RGS17: variants seen among roughly 807,000 people sequenced by gnomAD.
RGS17 encodes the protein regulator of G-protein signaling 17.
A neutral mutation model predicts 25.5 loss-of-function variants in RGS17; 12 were observed. That is an observed-to-expected ratio of 0.47 (90% CI 0.30 to 0.76). The LOEUF (loss-of-function observed/expected upper bound fraction) is 0.76, where lower values mean the gene tolerates loss of function less well. Ranked by LOEUF, RGS17 falls within the 30% of genes least tolerant of loss-of-function variation. The pLI is 0.07. For missense variants in RGS17, 196 were observed against 242.2 expected (o/e 0.81, Z 1.27); for synonymous variants, 71 against 76.9 (o/e 0.92, Z 0.40).
intron 2 of RGS17, among the ~76,000 whole-genome samples, chr6:153,037,836 A>ATTTTTT (rs1776270319): frequency 6.6e-6 from 1 of 152,210 alleles, no homozygotes; most frequent in Non-Finnish European, 1.5e-5. Context: ...ATGTAATATA[A>ATTTTTT]TTTTTACCAA....
chr6:153,046,585 A>C (rs1236490912), intron 1 of RGS17, among the ~76,000 whole-genome samples: 1 of 152,118 alleles, frequency 6.6e-6, no homozygotes, highest in Non-Finnish European at 1.5e-5. Context: ...GGAATGTAAA[A>C]ACAAACACAA....
rs189077746 is a variant in RGS17, at chr6:153,004,822, T to C, written c.*6752A>G. 7 of 152,318 alleles carry C rather than the reference T, an allele frequency of 4.6e-5. No individual in the cohort carries two copies. In the East Asian group the frequency reaches 1.3e-3, roughly 29 times the overall value. The allele number at this position is 152,318 out of a possible 1,614,324, so 9.4% of individuals were successfully genotyped here. On this transcript the variant is annotated 3_prime_UTR_variant, in exon 5 of 5. Transcript: ENST00000206262. The stretch of plus-strand genomic sequence containing the variant: ...GTGAATACCCACCGTTATTCTGGCA[T>C]TGCAAAATAACCAAGTGTGGTGCCT...
At chr6:153,078,910 T>C (rs1272185605) in intron 1 of RGS17, among the ~76,000 whole-genome samples, 12 of 148,290 alleles carry the variant, frequency 8.1e-5, no homozygotes, top group Middle Eastern at 3.4e-3. Context: ...CTGACTAAAT[T>C]TACATCTTAA....
At chr6:153,043,660 C>T (rs752731383) in intron 2 of RGS17, among the ~76,000 whole-genome samples, 1 of 152,020 alleles carries the variant, frequency 6.6e-6, no homozygotes, top group Non-Finnish European at 1.5e-5. Flanking sequence ...TGATATAAAA[C>T]ACCTCTTCAT....
intron 4 of RGS17, among the ~76,000 whole-genome samples, chr6:153,022,853 G>A (rs1779259530): frequency 6.6e-6 from 1 of 152,122 alleles, no homozygotes; most frequent in African/African-American, 2.4e-5. Context: ...AATACAGTGT[G>A]ACATCAGTAA....
At chr6:153,064,548 T>C (rs1024789343) in intron 1 of RGS17, among the ~76,000 whole-genome samples, 6 of 151,582 alleles carry the variant, frequency 4.0e-5, no homozygotes, top group African/African-American at 1.5e-4. Context: ...GAGAATAGTG[T>C]GAACTCAGGA....
At chr6:153,027,926 A>G (rs772625728) in intron 2 of RGS17, among the ~76,000 whole-genome samples, 97 of 152,342 alleles carry the variant, frequency 6.4e-4, no homozygotes, top group Non-Finnish European at 5.3e-4. Context: ...GGAAAGTCTG[A>G]TAAGAGAAAC....
chr6:153,129,367 G>A (rs895984237), intron 1 of RGS17, among the ~76,000 whole-genome samples: 1 of 152,166 alleles, frequency 6.6e-6, no homozygotes, highest in Non-Finnish European at 1.5e-5. Context: ...TTAGATAGGA[G>A]TGCTATAATG....
At chr6:153,090,559 C>T (rs1390060814) in intron 1 of RGS17, among the ~76,000 whole-genome samples, 1 of 151,634 alleles carries the variant, frequency 6.6e-6, no homozygotes, top group Non-Finnish European at 1.5e-5. Flanking sequence ...TTGGAGGCTG[C>T]AGGGCTGCAG....
chr6:153,015,379 T>C (rs1188956717), intron 4 of RGS17, among the ~76,000 whole-genome samples: 1 of 152,180 alleles, frequency 6.6e-6, no homozygotes, highest in African/African-American at 2.4e-5. Flanking sequence ...AGGAAGTCAA[T>C]CGATGTGGCA....
At chr6:153,085,554 A>T (rs1777040427) in intron 1 of RGS17, among the ~76,000 whole-genome samples, 1 of 152,238 alleles carries the variant, frequency 6.6e-6, no homozygotes, top group African/African-American at 2.4e-5. Context: ...TTGCAAAAGA[A>T]TAAGGGAAGC....
chr6:153,110,882 T>C (rs1777459515), intron 1 of RGS17, among the ~76,000 whole-genome samples: 1 of 152,306 alleles, frequency 6.6e-6, no homozygotes, highest in Admixed American at 6.5e-5. Flanking sequence ...GGAAATGTGC[T>C]GTGAGGAATG....
intron 2 of RGS17, among the ~76,000 whole-genome samples, chr6:153,033,423 A>G (rs575772832): frequency 6.6e-6 from 1 of 152,304 alleles, no homozygotes; most frequent in African/African-American, 2.4e-5. Flanking sequence ...TATACTTTAC[A>G]TAATACACGC....
intron 1 of RGS17, among the ~76,000 whole-genome samples, chr6:153,110,833 G>A (rs959876767): frequency 7.2e-5 from 11 of 152,180 alleles, no homozygotes; most frequent in Non-Finnish European, 1.0e-4. Context: ...AAGCGCAAGC[G>A]GTTGGGGAAC....
chr6:153,100,773 T>C (rs1777291152), intron 1 of RGS17, among the ~76,000 whole-genome samples: 1 of 152,196 alleles, frequency 6.6e-6, no homozygotes, highest in Admixed American at 6.5e-5. Context: ...CCAGACATCA[T>C]GAACTATAAC....
intron 4 of RGS17, among the ~76,000 whole-genome samples, chr6:153,020,138 ATTTTTTTTTTTTTTTTT>A (rs35590788): frequency 1.5e-3 from 60 of 39,272 alleles, no homozygotes; most frequent in African/African-American, 6.2e-3. Context: ...ATATATATAT[ATTTTTTTTTTTTTTTTT>A]TTTTTTTTTT....
intron 4 of RGS17, among the ~76,000 whole-genome samples, chr6:153,017,342 A>G (rs1034805941): frequency 3.3e-5 from 5 of 152,184 alleles, no homozygotes; most frequent in African/African-American, 1.2e-4. Context: ...GAGGCAGAAA[A>G]GCAAGGGACT....
chr6:153,116,873 A>G (rs569653536), intron 1 of RGS17, among the ~76,000 whole-genome samples: 4 of 152,174 alleles, frequency 2.6e-5, no homozygotes, highest in Non-Finnish European at 2.9e-5. Flanking sequence ...GAGTTGAACA[A>G]TGAGAACACA....
intron 1 of RGS17, among the ~76,000 whole-genome samples, chr6:153,068,970 T>C (rs1776745517): frequency 6.6e-6 from 1 of 152,130 alleles, no homozygotes; most frequent in African/African-American, 2.4e-5. Flanking sequence ...CTGGTAAAGA[T>C]GTGGAGAAAA....
Sources: allele counts gnomAD v4.1 joint callset (sites outside exome capture counted in the v4.1 genomes callset), GRCh38; gene constraint gnomAD v4.1.1; transcripts MANE v1.5; gene names NCBI Gene and HGNC (gene_info 2026-07-23, HGNC 2026-07-21).